Variants in ADGRG1 observed in about 807,000 individuals in gnomAD.
ADGRG1 encodes the protein adhesion G protein-coupled receptor G1, also known as 7-transmembrane protein with no EGF-like N-terminal domains-1.
In ADGRG1, 53 loss-of-function variants were observed where a neutral mutation model predicts 73.5. The ratio of observed to expected loss-of-function variants is 0.72; its 90% CI spans 0.58 to 0.91. The LOEUF is 0.91. Among genes scored for constraint, ADGRG1 ranks in the 40% least tolerant of loss-of-function variants. The pLI is 0.00. For synonymous variants in ADGRG1, 394 were observed against 374.4 expected, an observed-to-expected ratio of 1.05 and a Z score of -0.60; for missense variants, 795 against 871.8, an observed-to-expected ratio of 0.91 and a Z score of 1.11.
chr16:57,630,020 C>A (rs1388456103), intron 1 of ADGRG1: 1 of 985,070 alleles, frequency 1.0e-6, no homozygotes, highest in African/African-American at 1.7e-5. Context: ...TAGGAATAGC[C>A]TTTGTTGCTC....
intron 12 of ADGRG1, chr16:57,661,380 G>A: frequency 4.1e-6 from 4 of 985,304 alleles, no homozygotes; most frequent in Non-Finnish European, 4.8e-6. Flanking sequence ...CGGAAGCCAG[G>A]GTTCCTGAGC....
intron 4 of ADGRG1, 46 bp from the exon 5 acceptor site, chr16:57,653,940 C>G (rs1329618022): frequency 6.2e-7 from 1 of 1,612,106 alleles, no homozygotes; most frequent in Admixed American, 1.7e-5. Flanking sequence ...TCCCTGGTGG[C>G]CCGGCCCCCT....
intron 1 of ADGRG1, chr16:57,640,341 A>G (rs888188510): frequency 6.6e-6 from 1 of 152,214 alleles, no homozygotes; most frequent in African/African-American, 2.4e-5. Flanking sequence ...TTCGCATCCA[A>G]TCTTCATTAC....
In ADGRG1 at chr16:57,621,046, T is replaced by G. The variant is rs922608642; in HGVS notation, c.-200+2T>G. On this transcript the variant is annotated splice_donor_variant, in intron 1 of 4. Transcript: ENST00000561833. LOFTEE classifies it low-confidence loss of function (5UTR_SPLICE). ...GCCACACACGCCAGCCAGCCAGAGG[T>G]GGGTGTCTGGAGTTGCGGGTGGGGT... 2.0e-5 allele frequency: 3 copies of G among 151,982 alleles called. No individual in the cohort carries two copies. Among genetic ancestry groups the G allele is most frequent in the African/African-American group, 7.3e-5 (3 of 41,332 alleles). 9.4% of individuals were successfully genotyped at this position (151,982 alleles called of 1,614,324 possible). A position where few individuals can be genotyped will look rare whatever the true frequency, so the allele number is the denominator to read the frequency against.
At position 57,655,419 on chromosome 16, in the gene ADGRG1, G is replaced by A; in HGVS notation, c.789G>A (p.Met263Ile). ...SRQEEEQSEI[M>I]EYSVLLPRTL... Reference sequence around the variant, plus strand: ...TGCAGGAGGAGCAGAGCGAGATCATGGAGTACTCGGTGCTGCTGCCTCGAA... The same window carrying A: ...TGCAGGAGGAGCAGAGCGAGATCATAGAGTACTCGGTGCTGCTGCCTCGAA... The change falls in exon 6 of 14, where the codon ATG becomes ATA. Residue 263 changes from methionine to isoleucine, a missense_variant. Coordinates refer to ENST00000562631, the MANE Select transcript of ADGRG1 (RefSeq NM_201525.4). 1.9e-6 allele frequency: 3 copies of A among 1,613,598 alleles called. No individual in the cohort carries two copies. Among genetic ancestry groups the A allele is most frequent in the Non-Finnish European group, 2.5e-6 (3 of 1,180,006 alleles).
At chr16:57,634,241 C>T (rs1398282362) in intron 1 of ADGRG1, 1 of 985,312 alleles carries the variant, frequency 1.0e-6, no homozygotes, top group African/African-American at 1.7e-5. Flanking sequence ...GTGGCTGGCA[C>T]CCTGGGTCTC....
chr16:57,656,585 T>C lies in ADGRG1; in HGVS notation c.1135T>C (p.Cys379Arg). Residue 379 changes from cysteine to arginine, a missense_variant, in exon 9 of 14, where the codon TGC (cysteine) becomes CGC (arginine). Physicochemically the swap from Cys to Arg is radical, Grantham distance 180. Coordinates refer to ENST00000562631, the MANE Select transcript of ADGRG1 (RefSeq NM_201525.4). ...GAGAGAAACCCAAACATCCTGCTTC[T>C]GCAACCACTTGACCTACTTTGCAGT... ...VRRETQTSCF[C>R]NHLTYFAVLM... The C allele has an allele frequency of 6.2e-7, 1 of 1,613,180 alleles. No individual in the cohort carries two copies. Among genetic ancestry groups the C allele is most frequent in the Non-Finnish European group, 8.5e-7 (1 of 1,179,114 alleles).
chr16:57,663,874 C>G lies in ADGRG1; in HGVS notation c.*292C>G. On this transcript the variant is annotated 3_prime_UTR_variant, in exon 14 of 14. Coordinates refer to ENST00000562631, the MANE Select transcript of ADGRG1 (RefSeq NM_201525.4). ...GTCCCAACCCAGCTGGAGGCCTGGT[C>G]TCTCCTTACAACCCCTGGGCCCAGC... 1 of 508,592 alleles carries G rather than the reference C, an allele frequency of 2.0e-6. No individual in the cohort carries two copies. Among genetic ancestry groups the G allele is most frequent in the Middle Eastern group, 5.4e-4 (1 of 1,854 alleles). 31.5% of individuals were successfully genotyped at this position (508,592 alleles called of 1,614,324 possible).
rs1210137896 is a variant in ADGRG1 at position 57,657,431 on chromosome 16, T to C, written c.1226T>C (p.Val409Ala). The C allele has an allele frequency of 1.2e-6, 2 of 1,614,112 alleles. No individual in the cohort carries two copies. The highest frequency in any genetic ancestry group is 2.2e-5 in the South Asian group (2 of 91,080). ...CACTACCTGAGCCTCCTCTCCTACG[T>C]GGGCTGTGTCGTCTCTGCCCTGGCC... ...HKHYLSLLSY[V>A]GCVVSALACL... is the part of the protein sequence containing the mutation. Residue 409 changes from valine (V) to alanine (A), a missense_variant, in exon 10 of 14, where the codon GTG (valine) becomes GCG (alanine). Physicochemically the swap from Val to Ala is moderately conservative, Grantham distance 64 (BLOSUM62 0). Transcript: ENST00000562631.
intron 4 of ADGRG1, 85 bp downstream of exon 4, chr16:57,653,420 C>T (rs2044641785): frequency 1.9e-6 from 3 of 1,583,886 alleles, no homozygotes; most frequent in Non-Finnish European, 1.7e-6. Context: ...GGAGTAGGGG[C>T]TACTGCGAGG....
upstream of ADGRG1, chr16:57,626,702 G>T: frequency 1.0e-6 from 1 of 985,050 alleles, no homozygotes; most frequent in Non-Finnish European, 1.2e-6. Flanking sequence ...TGGTCAGCAC[G>T]CTCTGTGGGG....
rs587783649 is a variant in ADGRG1, at chr16:57,656,256, G to A, written c.1048G>A (p.Val350Ile). ...TGTGACTCTGCAATGTGTGTTCTGGGTTGAAGACCCCACATGTGAGTATGC... is the reference window on the plus strand; with the variant it reads ...TGTGACTCTGCAATGTGTGTTCTGGATTGAAGACCCCACATGTGAGTATGC... ...KNVTLQCVFW[V>I]EDPTLSSPGH... is the part of the protein sequence containing the mutation. Residue 350 changes from valine to isoleucine, a missense_variant, in exon 8 of 14, where the codon GTT (valine) becomes ATT (isoleucine). By Grantham distance (29) the Val-to-Ile change is conservative. Coordinates refer to ENST00000562631, the MANE Select transcript of ADGRG1 (RefSeq NM_201525.4). 5.0e-6 allele frequency: 8 copies of A among 1,613,540 alleles called. No homozygotes were observed. Among genetic ancestry groups the A allele is most frequent in the Middle Eastern group, 1.6e-4 (1 of 6,062 alleles).
chr16:57,658,293 TCA>T (rs1421659889), intron 10 of ADGRG1, among the ~76,000 whole-genome samples: 1 of 152,190 alleles, frequency 6.6e-6, no homozygotes, highest in Non-Finnish European at 1.5e-5. Flanking sequence ...CAATTCATCC[TCA>T]CAACAGCCCT....
intron 1 of ADGRG1, chr16:57,648,569 T>C: frequency 1.0e-6 from 1 of 981,046 alleles, no homozygotes; most frequent in South Asian, 4.7e-5. Flanking sequence ...AAGGAGACAT[T>C]GAGCTCCTGC....
chr16:57,646,498 G>T, intron 1 of ADGRG1: 4 of 985,432 alleles, frequency 4.1e-6, no homozygotes, highest in Non-Finnish European at 4.8e-6. Flanking sequence ...TTTACGGAAG[G>T]TCTGAGGTCA....
intron 1 of ADGRG1, chr16:57,631,295 G>C (rs549576631): frequency 1.1e-5 from 11 of 986,058 alleles, no homozygotes; most frequent in Middle Eastern, 5.2e-4. Context: ...GACAGCCATG[G>C]AGGGACCACT....
chr16:57,657,556 C>T, intron 10 of ADGRG1, 65 bp downstream of exon 10: 1 of 1,197,030 alleles, frequency 8.4e-7, no homozygotes, highest in Non-Finnish European at 1.2e-6. Flanking sequence ...CACCAGGGCG[C>T]CGCACACATC....
At chr16:57,655,591 A>G in intron 6 of ADGRG1, 61 bp downstream of exon 6, 1 of 1,610,922 alleles carries the variant, frequency 6.2e-7, no homozygotes, top group East Asian at 2.2e-5. Context: ...ACAGAGGTGG[A>G]AAGAAGGCAC....
chr16:57,635,349 G>C, intron 1 of ADGRG1: 1 of 985,340 alleles, frequency 1.0e-6, no homozygotes, highest in Non-Finnish European at 1.2e-6. Context: ...TAGGGGACCA[G>C]GTGCACACGG....
Sources: gnomAD v4.1 joint callset for allele counts (sites outside exome capture counted in the v4.1 genomes callset) on GRCh38, gnomAD v4.1.1 for gene constraint, MANE v1.5 for transcripts, NCBI Gene and HGNC (gene_info 2026-07-23, HGNC 2026-07-21) for gene names.